PCDHGA1: variants seen among roughly 807,000 people sequenced by gnomAD.
The protein encoded by PCDHGA1 is protocadherin gamma-A1.
PCDHGA1 carries 32 observed loss-of-function variants against 58.0 expected under a neutral mutation model. The observed-to-expected ratio is 0.55, with a 90% CI of 0.42 to 0.74. The LOEUF (loss-of-function observed/expected upper bound fraction) is 0.74. Ranked by LOEUF, PCDHGA1 falls within the 30% of genes least tolerant of loss-of-function variation. PCDHGA1 has a pLI of 0.00. For missense variants in PCDHGA1, 1,205 were observed against 1,182.3 expected (o/e 1.02, Z -0.28); for synonymous variants, 498 against 501.1 (o/e 0.99, Z 0.08).
intron 1 of PCDHGA1, chr5:141,478,259 T>G: frequency 6.2e-7 from 1 of 1,614,182 alleles, no homozygotes. Context: ...AGTAATCATA[T>G]TCAAAGTTTA....
In PCDHGA1 at chr5:141,511,352, C is replaced by A. The variant is rs2099883742; in HGVS notation, c.*179C>A. The A allele has an allele frequency of 3.6e-6, 5 of 1,381,248 alleles. No homozygotes were observed. The highest frequency in any genetic ancestry group is 2.7e-4 in the Middle Eastern group (1 of 3,772). 85.6% of individuals were successfully genotyped at this position (1,381,248 alleles called of 1,614,324 possible). ...CAGTCAGCACCTACCCCTTCCCCCCCAGGGGGTTGAATATGCAAAAGCAGT... is the reference window on the plus strand; with the variant it reads ...CAGTCAGCACCTACCCCTTCCCCCCAAGGGGGTTGAATATGCAAAAGCAGT... On this transcript the variant is annotated 3_prime_UTR_variant, in exon 4 of 4. Coordinates refer to ENST00000517417, the MANE Select transcript of PCDHGA1 (RefSeq NM_018912.3).
At chr5:141,405,420 T>A in intron 1 of PCDHGA1, 1 of 1,509,592 alleles carries the variant, frequency 6.6e-7, no homozygotes, top group Non-Finnish European at 9.0e-7. Flanking sequence ...TTTTTGTTTT[T>A]TGTTTTGTTT....
At chr5:141,481,982 G>A (rs1378873905) in intron 1 of PCDHGA1, among the ~76,000 whole-genome samples, 2 of 151,628 alleles carry the variant, frequency 1.3e-5, no homozygotes, top group African/African-American at 2.4e-5. Context: ...CTACTTGGGA[G>A]GTTGAAGCAG....
intron 1 of PCDHGA1, among the ~76,000 whole-genome samples, chr5:141,473,965 A>C (rs925515548): frequency 1.1e-4 from 16 of 152,206 alleles, no homozygotes; most frequent in African/African-American, 3.9e-4. Flanking sequence ...TCTACTTAGA[A>C]GTCTGAGGCG....
intron 1 of PCDHGA1, chr5:141,385,250 G>C (rs1448897004): frequency 6.2e-7 from 1 of 1,613,820 alleles, no homozygotes. Context: ...AGCCAGGAGA[G>C]CTGTGAGAAA....
At chr5:141,395,099 C>A (rs1337134243) in intron 1 of PCDHGA1, 1 of 1,614,228 alleles carries the variant, frequency 6.2e-7, no homozygotes. Flanking sequence ...TCACCGCCGA[C>A]TCGCGGAAGA....
At chr5:141,345,305 C>T (rs1757552187) in intron 1 of PCDHGA1, 10 of 1,613,974 alleles carry the variant, frequency 6.2e-6, no homozygotes, top group Non-Finnish European at 8.5e-6. Flanking sequence ...GTCTGAGAGC[C>T]TCAGATGGGG....
At chr5:141,364,659 T>G in intron 1 of PCDHGA1, 1 of 1,614,020 alleles carries the variant, frequency 6.2e-7, no homozygotes, top group Non-Finnish European at 8.5e-7. Flanking sequence ...AACATCTTGG[T>G]TGAGAACAAA....
At chr5:141,453,001 G>C (rs1225973632) in intron 1 of PCDHGA1, among the ~76,000 whole-genome samples, 3 of 152,168 alleles carry the variant, frequency 2.0e-5, no homozygotes, top group African/African-American at 7.2e-5. Flanking sequence ...AAAGTTACCT[G>C]TAGTATAGTT....
chr5:141,357,606 A>C, intron 1 of PCDHGA1: 2 of 1,614,052 alleles, frequency 1.2e-6, no homozygotes, highest in Non-Finnish European at 1.7e-6. Flanking sequence ...AAACAAAAGG[A>C]GACCCTAATC....
intron 1 of PCDHGA1, among the ~76,000 whole-genome samples, chr5:141,439,270 A>G (rs1381185021): frequency 6.6e-6 from 1 of 152,140 alleles, no homozygotes; most frequent in African/African-American, 2.4e-5. Flanking sequence ...CCAACAGTTC[A>G]TTCTGAGACT....
chr5:141,340,369 C>T (rs1756938027), intron 1 of PCDHGA1: 2 of 1,614,072 alleles, frequency 1.2e-6, no homozygotes, highest in African/African-American at 2.7e-5. Context: ...AAAACAACCC[C>T]AGAGGAGCCT....
rs1188941232 is a variant in PCDHGA1, at chr5:141,512,270, G to A, written c.*1097G>A. ...TCTGTGGGTGCTGGGTACTCCAGAG[G>A]TGCCACTGGTGGAAGGGTCAGCGGA... On this transcript the variant is annotated 3_prime_UTR_variant, in exon 4 of 4. Coordinates refer to ENST00000517417, the MANE Select transcript of PCDHGA1 (RefSeq NM_018912.3). The A allele has an allele frequency of 1.3e-5, 2 of 152,714 alleles. No individual in the cohort carries two copies. The highest frequency in any genetic ancestry group is 2.9e-5 in the Non-Finnish European group (2 of 68,100). The allele number at this position is 152,714 out of a possible 1,614,324, so 9.5% of individuals were successfully genotyped here.
intron 1 of PCDHGA1, chr5:141,398,034 A>G: frequency 6.8e-7 from 1 of 1,475,238 alleles, no homozygotes; most frequent in South Asian, 1.4e-5. Context: ...AACTGGAACT[A>G]AAGCCCGTTC....
intron 1 of PCDHGA1, among the ~76,000 whole-genome samples, chr5:141,435,232 G>A (rs1317217213): frequency 6.6e-6 from 1 of 152,062 alleles, no homozygotes; most frequent in Non-Finnish European, 1.5e-5. Context: ...TCAAAGTTCA[G>A]TAATTCTTTC....
chr5:141,360,751 A>G (rs1205028174), intron 1 of PCDHGA1: 1 of 1,614,000 alleles, frequency 6.2e-7, no homozygotes, highest in Non-Finnish European at 8.5e-7. Context: ...AGAAGAGCAC[A>G]GTTTACATCA....
At chr5:141,453,288 A>T (rs931678565) in intron 1 of PCDHGA1, among the ~76,000 whole-genome samples, 18 of 151,342 alleles carry the variant, frequency 1.2e-4, no homozygotes, top group Admixed American at 3.3e-4. Context: ...TAATTTTTTA[A>T]TTATTTATTT....
At chr5:141,495,605 T>G (rs1201224193) in intron 2 of PCDHGA1, among the ~76,000 whole-genome samples, 2 of 152,228 alleles carry the variant, frequency 1.3e-5, no homozygotes, top group African/African-American at 2.4e-5. Context: ...GCTTCCGTCT[T>G]GATTGCTGCA....
At position 141,332,916 on chromosome 5, in the gene PCDHGA1, C is replaced by G. The variant is rs553517087; in HGVS notation, c.2232C>G (p.Asp744Glu). The change falls in exon 1 of 4, where the codon GAC becomes GAG. Residue 744 changes from aspartate (D) to glutamate (E), a missense_variant. Coordinates refer to ENST00000517417, the MANE Select transcript of PCDHGA1 (RefSeq NM_018912.3). This position sits in a 1 kb window ranked among gnomAD's most constrained non-coding sequence, Gnocchi z 4.6. ...SMPGSHFVGV[D>E]GVRAFLQTYS... ...CCGGTTCGCACTTTGTGGGCGTGGA[C>G]GGGGTTCGGGCTTTCCTGCAGACCT... 3.0e-5 allele frequency: 49 copies of G among 1,614,056 alleles called. No individual in the cohort carries two copies. The highest frequency in any genetic ancestry group is 4.2e-5 in the Non-Finnish European group (49 of 1,180,038).
Sources: allele counts gnomAD v4.1 joint callset (sites outside exome capture counted in the v4.1 genomes callset), GRCh38; gene constraint gnomAD v4.1.1; non-coding constraint Gnocchi (gnomAD v3.1); transcripts MANE v1.5; gene names NCBI Gene and HGNC (gene_info 2026-07-23, HGNC 2026-07-21).